CHN1: variants seen among roughly 807,000 people sequenced by gnomAD.
CHN1 encodes the protein chimerin 1.
In CHN1, 37 loss-of-function variants were observed where a neutral mutation model predicts 59.5. The ratio of observed to expected loss-of-function variants is 0.62; its 90% CI spans 0.48 to 0.82. The LOEUF (loss-of-function observed/expected upper bound fraction) is 0.82. Ranked by LOEUF, CHN1 falls within the 40% of genes least tolerant of loss-of-function variation. The pLI, the probability that CHN1 is intolerant of heterozygous loss-of-function variation, is 0.00. For synonymous variants in CHN1, 206 were observed against 200.4 expected (o/e 1.03, Z -0.24); for missense variants, 469 against 571.0 (o/e 0.82, Z 1.82).
chr2:174,942,399 T>G (rs1345739744), intron 3 of CHN1, among the ~76,000 whole-genome samples: 1 of 151,960 alleles, frequency 6.6e-6, no homozygotes, highest in Non-Finnish European at 1.5e-5. Flanking sequence ...TTAAATGAAA[T>G]AAGAAAGGCA....
At chr2:174,923,330 C>A (rs71419405) in intron 3 of CHN1, among the ~76,000 whole-genome samples, 4 of 151,924 alleles carry the variant, frequency 2.6e-5, no homozygotes, top group Non-Finnish European at 4.4e-5. Context: ...TTAGTAGAGA[C>A]GGGGTTTCAC....
In CHN1 at chr2:174,971,959, C is replaced by A. The variant is rs562418595; in HGVS notation, c.20-19757G>T. ...CATATGAGCAGGAGAAAGACCAGGT[C>A]ACCTTCTCAGAGGCAGATGCAGATG... is the stretch of plus-strand genomic sequence containing the variant. On this transcript the variant is annotated intron_variant, in intron 1 of 12. Transcript: ENST00000409900. 2.6e-4 allele frequency among the ~76,000 whole-genome samples: 40 copies of A among 152,304 alleles called. No homozygotes were observed. The South Asian group carries it at 6.0e-3, about 23-fold the overall frequency.
At chr2:174,827,847 A>C (rs1685742338) in intron 7 of CHN1, among the ~76,000 whole-genome samples, 1 of 152,222 alleles carries the variant, frequency 6.6e-6, no homozygotes, top group Non-Finnish European at 1.5e-5. Context: ...TGACTGGGGA[A>C]GAATGACATT....
intron 1 of CHN1, among the ~76,000 whole-genome samples, chr2:174,966,344 A>C (rs185270180): frequency 2.5e-3 from 379 of 152,292 alleles, no homozygotes; most frequent in Middle Eastern, 0.01. Flanking sequence ...AAGAAAAAAA[A>C]AAACAAACAC....
At chr2:174,895,239 C>A (rs1344610972) in intron 5 of CHN1, among the ~76,000 whole-genome samples, 1 of 149,632 alleles carries the variant, frequency 6.7e-6, no homozygotes, top group Non-Finnish European at 1.5e-5. Flanking sequence ...CACACACACA[C>A]AATGGAGTAT....
At chr2:174,822,868 C>G (rs1685547578) in intron 8 of CHN1, among the ~76,000 whole-genome samples, 1 of 152,216 alleles carries the variant, frequency 6.6e-6, no homozygotes, top group Non-Finnish European at 1.5e-5. Context: ...CTGAGGCGCT[C>G]CCTGACGAAC....
intron 5 of CHN1, among the ~76,000 whole-genome samples, chr2:174,911,197 TAG>T (rs1162824750): frequency 6.6e-6 from 1 of 152,192 alleles, no homozygotes; most frequent in African/African-American, 2.4e-5. Context: ...TGAGAAAAAC[TAG>T]AGTGTCTTAT....
At chr2:174,997,985 T>C (rs1574258173) in intron 1 of CHN1, among the ~76,000 whole-genome samples, 1 of 134,580 alleles carries the variant, frequency 7.4e-6, no homozygotes, top group South Asian at 2.4e-4. Context: ...AGACTCTGTC[T>C]CGGGGGCGCA....
intron 3 of CHN1, among the ~76,000 whole-genome samples, chr2:174,923,152 T>C (rs1461662335): frequency 6.6e-6 from 1 of 151,904 alleles, no homozygotes. Context: ...TTTTTTTTTT[T>C]CTTTTTGAGA....
intron 1 of CHN1, among the ~76,000 whole-genome samples, chr2:174,981,531 G>A (rs1409335579): frequency 6.6e-6 from 1 of 152,192 alleles, no homozygotes; most frequent in African/African-American, 2.4e-5. Flanking sequence ...TACTAAAGAT[G>A]AAAACACCGT....
intron 11 of CHN1, among the ~76,000 whole-genome samples, chr2:174,807,542 TA>T (rs768885359): frequency 4.2e-5 from 6 of 142,952 alleles, no homozygotes; most frequent in Non-Finnish European, 9.0e-5. Flanking sequence ...CAATCAGACT[TA>T]ACTGGAGAGG....
intron 3 of CHN1, among the ~76,000 whole-genome samples, chr2:174,925,862 T>C (rs1689152073): frequency 6.6e-6 from 1 of 152,262 alleles, no homozygotes; most frequent in South Asian, 2.1e-4. Context: ...AAAACTGAAC[T>C]AACCCAACTG....
At chr2:174,988,174 C>A (rs970999975) in intron 1 of CHN1, among the ~76,000 whole-genome samples, 3 of 151,854 alleles carry the variant, frequency 2.0e-5, no homozygotes, top group African/African-American at 7.3e-5. Context: ...CTGGCTAACA[C>A]GGTGAAACCC....
chr2:174,944,112 C>T (rs1689755118), intron 3 of CHN1, among the ~76,000 whole-genome samples: 1 of 152,136 alleles, frequency 6.6e-6, no homozygotes. Flanking sequence ...CTCCTCTGGA[C>T]AGACATTTAG....
At chr2:174,902,042 C>T (rs973286507) in intron 5 of CHN1, among the ~76,000 whole-genome samples, 18 of 152,086 alleles carry the variant, frequency 1.2e-4, no homozygotes, top group African/African-American at 4.3e-4. Context: ...CGGGAAAATG[C>T]TAGAATTTCA....
At chr2:174,804,297 C>T (rs1276748427) in intron 11 of CHN1, among the ~76,000 whole-genome samples, 1 of 151,856 alleles carries the variant, frequency 6.6e-6, no homozygotes, top group Non-Finnish European at 1.5e-5. Context: ...ATTGTGGCTG[C>T]AGTAGAGTGA....
In CHN1 at chr2:174,929,577, CA is replaced by C. The variant is rs5836479; in HGVS notation, c.115-11013del. On this transcript the variant is annotated intron_variant, in intron 3 of 12. Transcript: ENST00000409900. ...TGGGTGACAGAGTGAGACTCTATTT[CA>C]AAAAAAAAAAGGAAAAATATTTGAG... 3.8e-4 allele frequency among the ~76,000 whole-genome samples: 54 copies of C among 142,990 alleles called. No homozygotes were observed. In the Middle Eastern group the frequency reaches 0.01, roughly 28 times the overall value. The allele number at this position is 142,990 out of a possible 152,430, so 93.8% of individuals were successfully genotyped here. A position where few individuals can be genotyped will look rare whatever the true frequency, so the allele number is the denominator to read the frequency against.
At chr2:174,906,618 A>C (rs1015548882) in intron 5 of CHN1, among the ~76,000 whole-genome samples, 4 of 152,180 alleles carry the variant, frequency 2.6e-5, no homozygotes, top group African/African-American at 9.7e-5. Flanking sequence ...GTTTTAAAAA[A>C]GTAAGATATG....
At chr2:174,817,613 C>G (rs932073595) in intron 8 of CHN1, among the ~76,000 whole-genome samples, 1 of 150,052 alleles carries the variant, frequency 6.7e-6, no homozygotes, top group African/African-American at 2.5e-5. Context: ...AGACACGCGT[C>G]GCTACGCCCA....
Sources: allele counts gnomAD v4.1 joint callset (sites outside exome capture counted in the v4.1 genomes callset), GRCh38; gene constraint gnomAD v4.1.1; transcripts MANE v1.5; gene names NCBI Gene and HGNC (gene_info 2026-07-23, HGNC 2026-07-21).